CERS6: variants seen among roughly 807,000 people sequenced by gnomAD.
CERS6 encodes the protein LAG1 homolog, ceramide synthase 6.
In CERS6, 26 loss-of-function variants were observed where a neutral mutation model predicts 56.8. The ratio of observed to expected loss-of-function variants is 0.46; its 90% CI spans 0.34 to 0.63. The LOEUF is 0.63. Among genes scored for constraint, CERS6 ranks in the 30% least tolerant of loss-of-function variants. The probability of loss-of-function intolerance (pLI) is 0.01; values close to 1 mark genes in which losing one functional copy is unlikely to be tolerated. For synonymous variants in CERS6, 164 were observed against 173.3 expected (o/e 0.95, Z 0.42); for missense variants, 415 against 467.5 (o/e 0.89, Z 1.04).
intron 3 of CERS6, among the ~76,000 whole-genome samples, chr2:168,597,256 A>G (rs1376429870): frequency 6.6e-6 from 1 of 152,184 alleles, no homozygotes; most frequent in Non-Finnish European, 1.5e-5. Context: ...ATTATTTATT[A>G]TATAAATTGC....
At chr2:168,709,422 T>TTGTCTC (rs151114828) in intron 6 of CERS6, among the ~76,000 whole-genome samples, 10,965 of 152,140 alleles carry the variant, frequency 0.072, 611 homozygotes, top group African/African-American at 0.15. Flanking sequence ...TTTTTCCCCC[T>TTGTCTC]TGTCTCTGAT....
intron 3 of CERS6, among the ~76,000 whole-genome samples, chr2:168,574,354 C>T (rs528106342): frequency 1.3e-4 from 19 of 151,324 alleles, no homozygotes; most frequent in Admixed American, 3.3e-4. Context: ...CCAATACTTA[C>T]GTGGCTCAAT....
At chr2:168,647,726 G>A (rs912979930) in intron 4 of CERS6, among the ~76,000 whole-genome samples, 2 of 152,114 alleles carry the variant, frequency 1.3e-5, no homozygotes, top group Admixed American at 6.5e-5. Flanking sequence ...CATGAAGGGT[G>A]TTGAATATTA....
chr2:168,765,169 G>C (rs1574230324), intron 8 of CERS6, among the ~76,000 whole-genome samples: 3 of 152,170 alleles, frequency 2.0e-5, no homozygotes, highest in African/African-American at 7.2e-5. Context: ...AGACAGGAAG[G>C]AGAATGGTGG....
chr2:168,462,230 T>G (rs1419592692), intron 1 of CERS6, among the ~76,000 whole-genome samples: 1 of 152,208 alleles, frequency 6.6e-6, no homozygotes, highest in Non-Finnish European at 1.5e-5. Context: ...ATTAATTTCT[T>G]AAACACTTTT....
intron 4 of CERS6, among the ~76,000 whole-genome samples, chr2:168,678,288 G>C (rs1402505903): frequency 2.6e-5 from 4 of 152,156 alleles, no homozygotes; most frequent in Admixed American, 2.0e-4. Flanking sequence ...GCGAATCGCT[G>C]CCTGAGGTAC....
intron 4 of CERS6, among the ~76,000 whole-genome samples, chr2:168,666,178 C>A (rs976871548): frequency 6.6e-6 from 1 of 152,138 alleles, no homozygotes; most frequent in African/African-American, 2.4e-5. Flanking sequence ...GGCTAAAGTG[C>A]ATAGTTTACA....
chr2:168,609,954 T>C (rs543718253), intron 3 of CERS6, among the ~76,000 whole-genome samples: 15 of 144,734 alleles, frequency 1.0e-4, no homozygotes, highest in Non-Finnish European at 7.5e-5. Flanking sequence ...AAGCTGGGAG[T>C]GAAGACAAAA....
chr2:168,644,448 A>C, intron 4 of CERS6: 1 of 626,414 alleles, frequency 1.6e-6, no homozygotes, highest in Non-Finnish European at 2.0e-6. Flanking sequence ...ACTTCTGTTT[A>C]GTAGGGAAAG....
chr2:168,728,895 C>T (rs1302296992), intron 8 of CERS6, among the ~76,000 whole-genome samples: 1 of 151,104 alleles, frequency 6.6e-6, no homozygotes, highest in Non-Finnish European at 1.5e-5. Flanking sequence ...GTAATCCCAG[C>T]TACTCGGGAG....
At chr2:168,600,540 A>G (rs1409374227) in intron 3 of CERS6, among the ~76,000 whole-genome samples, 1 of 152,176 alleles carries the variant, frequency 6.6e-6, no homozygotes, top group Non-Finnish European at 1.5e-5. Context: ...AAAATCCCTG[A>G]AAATCTATAT....
chr2:168,467,388 A>G (rs1203555916), intron 1 of CERS6, among the ~76,000 whole-genome samples: 1 of 152,242 alleles, frequency 6.6e-6, no homozygotes, highest in African/African-American at 2.4e-5. Flanking sequence ...GCAATCAGTC[A>G]TTTGGGCATT....
chr2:168,733,368 A>G (rs1460332498), intron 8 of CERS6, among the ~76,000 whole-genome samples: 1 of 152,156 alleles, frequency 6.6e-6, no homozygotes, highest in East Asian at 1.9e-4. Flanking sequence ...AAAAACAGCT[A>G]AGTGGATTTC....
chr2:168,768,904 CAAAA>C (rs765504573), intron 9 of CERS6, among the ~76,000 whole-genome samples: 6 of 59,404 alleles, frequency 1.0e-4, no homozygotes, highest in Admixed American at 1.8e-4. Flanking sequence ...GACTCTGACT[CAAAA>C]AAAAAAAAAA....
chr2:168,620,522 T>C (rs899912205), intron 3 of CERS6, among the ~76,000 whole-genome samples: 1 of 152,220 alleles, frequency 6.6e-6, no homozygotes, highest in Non-Finnish European at 1.5e-5. Context: ...TTTTTTCTTC[T>C]CATCGAATTC....
chr2:168,462,684 G>T (rs1693799596), intron 1 of CERS6, among the ~76,000 whole-genome samples: 1 of 152,094 alleles, frequency 6.6e-6, no homozygotes, highest in South Asian at 2.1e-4. Context: ...CTACAGGTGG[G>T]TGCCACCATG....
Position 168,773,388 on chromosome 2 carries a change from A to G in CERS6, c.*3726A>G, listed in dbSNP as rs1684916177. 6.6e-6 allele frequency: 1 copy of G among 152,198 alleles called. No homozygotes were observed. Among genetic ancestry groups the G allele is most frequent in the Admixed American group, 6.5e-5 (1 of 15,282 alleles). The allele number at this position is 152,198 out of a possible 1,614,324, so 9.4% of individuals were successfully genotyped here. A position where few individuals can be genotyped will look rare whatever the true frequency, so the allele number is the denominator to read the frequency against. On this transcript the variant is annotated 3_prime_UTR_variant, in exon 10 of 10. Transcript: ENST00000305747. ...GTTAAATGTTTACATTTCATGTGGT[A>G]TTTCAGGTCTTCAGGTTCTGATTAG...
At chr2:168,697,163 T>A (rs1380417879) in intron 6 of CERS6, among the ~76,000 whole-genome samples, 2 of 152,174 alleles carry the variant, frequency 1.3e-5, no homozygotes, top group African/African-American at 2.4e-5. Flanking sequence ...AAGCTATCTT[T>A]TCTGACTTGT....
chr2:168,710,145 C>T (rs1158817900), intron 6 of CERS6, among the ~76,000 whole-genome samples: 1 of 152,086 alleles, frequency 6.6e-6, no homozygotes, highest in Non-Finnish European at 1.5e-5. Flanking sequence ...CAAATTTTGT[C>T]TAAAAAACAA....
Sources: gnomAD v4.1 joint callset for allele counts (sites outside exome capture counted in the v4.1 genomes callset) on GRCh38, gnomAD v4.1.1 for gene constraint, MANE v1.5 for transcripts, NCBI Gene and HGNC (gene_info 2026-07-23, HGNC 2026-07-21) for gene names.